The following ABR variants were observed in gnomAD, a reference collection of about 807,000 sequenced individuals.
ABR encodes the protein active breakpoint cluster region-related protein.
In ABR, 35 loss-of-function variants were observed where a neutral mutation model predicts 107.2. The ratio of observed to expected loss-of-function variants is 0.33; its 90% confidence interval spans 0.25 to 0.43. The LOEUF is 0.43. ABR is among the 20% of genes least tolerant of loss of function. The probability of loss-of-function intolerance (pLI) is 1.00; values close to 1 mark genes in which losing one functional copy is unlikely to be tolerated. For missense variants in ABR, 815 were observed against 1,115.2 expected, an observed-to-expected ratio of 0.73 and a Z score of 3.83; for synonymous variants, 498 against 462.0, an observed-to-expected ratio of 1.08 and a Z score of -1.00.
chr17:1,059,432 A>G (rs1438446182), intron 10 of ABR, among the ~76,000 whole-genome samples: 2 of 152,124 alleles, frequency 1.3e-5, no homozygotes, highest in Non-Finnish European at 2.9e-5. Flanking sequence ...AGTAGTATTA[A>G]CCTCTCTGTA....
At chr17:1,025,548 C>A (rs1040483338) in intron 16 of ABR, among the ~76,000 whole-genome samples, 1 of 152,200 alleles carries the variant, frequency 6.6e-6, no homozygotes, top group Non-Finnish European at 1.5e-5. Context: ...CCTGACCCCA[C>A]GTAACGCCCC....
At chr17:1,151,074 TGACCTTGGGCAA>T (rs1207100279) in intron 1 of ABR, among the ~76,000 whole-genome samples, 1 of 152,190 alleles carries the variant, frequency 6.6e-6, no homozygotes, top group African/African-American at 2.4e-5. Flanking sequence ...ACCAGCTGTG[TGACCTTGGGCAA>T]GTCACATAAC....
intron 11 of ABR, 27 bp downstream of exon 11, chr17:1,058,718 C>T: frequency 6.2e-7 from 1 of 1,612,542 alleles, no homozygotes; most frequent in South Asian, 1.1e-5. Flanking sequence ...AAGGGGCTGT[C>T]TTGGTCCCAC....
chr17:1,031,561 GCCCCCAC>G, intron 16 of ABR: 1 of 235,832 alleles, frequency 4.2e-6, no homozygotes, highest in Non-Finnish European at 5.4e-6. Context: ...GCGCCCCCGA[GCCCCCAC>G]CCCCCGGAAC....
chr17:1,143,628 C>T (rs1411553148), intron 1 of ABR, among the ~76,000 whole-genome samples: 1 of 152,120 alleles, frequency 6.6e-6, no homozygotes, highest in Admixed American at 6.5e-5. Context: ...CCACCATGGG[C>T]GGGTGTTATG....
intron 5 of ABR, 77 bp downstream of exon 5, chr17:1,083,443 G>C (rs1284517760): frequency 3.9e-5 from 40 of 1,024,060 alleles, no homozygotes; most frequent in East Asian, 2.5e-4. Context: ...TGGCAAGCGA[G>C]GGAGGGGAGA....
At chr17:1,191,354 C>CTTTTTTTTTTTTTTT (rs761910557), upstream of ABR, among the ~76,000 whole-genome samples, 7 of 96,490 alleles carry the variant, frequency 7.3e-5, no homozygotes, top group Non-Finnish European at 9.8e-5. Context: ...TTTTTCTTTT[C>CTTTTTTTTTTTTTTT]TTTTTTTTTT....
At chr17:1,044,561 G>A (rs1241263541) in intron 16 of ABR, among the ~76,000 whole-genome samples, 11 of 151,830 alleles carry the variant, frequency 7.2e-5, no homozygotes, top group Non-Finnish European at 1.6e-4. Flanking sequence ...TGGGACAGGA[G>A]AATGGCGTGA....
intron 10 of ABR, among the ~76,000 whole-genome samples, chr17:1,059,276 T>G (rs2033671159): frequency 6.6e-6 from 1 of 152,186 alleles, no homozygotes; most frequent in Non-Finnish European, 1.5e-5. Context: ...CCAAGCCCTT[T>G]CCCTGCCCTG....
In ABR at chr17:1,005,975, G is replaced by C; in HGVS notation, c.*105C>G. ...TGGAAGCTGGCTTCCCTCGAGTCTG[G>C]AGTGCTGGGTTTGGGAGTTTTCTAT... On this transcript the variant is annotated 3_prime_UTR_variant, in exon 23 of 23. Transcript: ENST00000302538. 9.5e-7 allele frequency: 1 copy of C among 1,055,650 alleles called. No homozygotes were observed. Among genetic ancestry groups the C allele is most frequent in the Non-Finnish European group, 1.4e-6 (1 of 702,176 alleles). The allele number at this position is 1,055,650 out of a possible 1,614,324, so 65.4% of individuals were successfully genotyped here. A position where few individuals can be genotyped will look rare whatever the true frequency, so the allele number is the denominator to read the frequency against.
At chr17:1,193,494 C>T (rs976549870) in intron 1 of ABR, among the ~76,000 whole-genome samples, 1 of 152,166 alleles carries the variant, frequency 6.6e-6, no homozygotes, top group South Asian at 2.1e-4. Context: ...TAGTGAGTGA[C>T]AGAGCCAAGT....
chr17:1,031,671 G>A (rs887371889), intron 16 of ABR: 4 of 1,256,700 alleles, frequency 3.2e-6, no homozygotes, highest in Non-Finnish European at 4.0e-6. Context: ...CTTGCTCCCC[G>A]ACTCCTCCAG....
chr17:1,179,572 G>T lies in ABR; in HGVS notation c.61+95C>A. Reference sequence around the variant, plus strand: ...AGCCCGGTGCCTGGGTCCCGATCCCGATCTTGGGGTCCCGATCCCGATCCT... The same window carrying T: ...AGCCCGGTGCCTGGGTCCCGATCCCTATCTTGGGGTCCCGATCCCGATCCT... On this transcript the variant is annotated intron_variant, in intron 1 of 22. Coordinates refer to ENST00000302538, the MANE Select transcript of ABR (RefSeq NM_021962.5). This position sits in a 1 kb window ranked among gnomAD's most constrained non-coding sequence, Gnocchi z 4.9. The T allele has an allele frequency of 1.5e-6, 2 of 1,297,970 alleles. No homozygotes were observed. The highest frequency in any genetic ancestry group is 3.1e-5 in the East Asian group (1 of 31,948). 80.4% of individuals were successfully genotyped at this position (1,297,970 alleles called of 1,614,324 possible).
chr17:1,066,154 A>G (rs765595635), intron 10 of ABR, among the ~76,000 whole-genome samples: 1 of 151,918 alleles, frequency 6.6e-6, no homozygotes, highest in Non-Finnish European at 1.5e-5. Context: ...TCTGGGATTA[A>G]AGGTGTGAGC....
At chr17:1,073,493 C>T in intron 7 of ABR, 132 bp downstream of exon 7, 3 of 696,138 alleles carry the variant, frequency 4.3e-6, no homozygotes, top group South Asian at 9.4e-5. Context: ...GCCAGACAGG[C>T]ATCCTTGGAG....
intron 1 of ABR, among the ~76,000 whole-genome samples, chr17:1,211,088 T>G (rs985219443): frequency 1.3e-5 from 2 of 151,974 alleles, no homozygotes; most frequent in African/African-American, 2.4e-5. Flanking sequence ...GACCAGCCTG[T>G]CCAATATGGT....
In ABR at chr17:1,115,690, C is replaced by T. The variant is rs150538039; in HGVS notation, c.246+9493G>A. On this transcript the variant is annotated intron_variant, in intron 2 of 22. Coordinates refer to ENST00000302538, the MANE Select transcript of ABR (RefSeq NM_021962.5). ...CTGTAATCCCAGCACTTTGGGAGGC[C>T]GAGGCGGGCAGATCACCTGAGGTCA... is the stretch of plus-strand genomic sequence containing the variant. Among the ~76,000 whole-genome samples the T allele has an allele frequency of 7.2e-5, 11 of 152,270 alleles. No homozygotes were observed. In the East Asian group the frequency reaches 1.9e-3, roughly 27 times the overall value.
rs1032446957 is a variant in ABR, at chr17:1,104,776, G to A, written c.247-4041C>T. On this transcript the variant is annotated intron_variant, in intron 2 of 22. Transcript: ENST00000302538. Reference sequence around the variant, plus strand: ...TGGCAGAATTTAGAACAGAGAAGACGGGTCAACTGCTGGGGGACAAAGACC... The same window carrying A: ...TGGCAGAATTTAGAACAGAGAAGACAGGTCAACTGCTGGGGGACAAAGACC... Among the ~76,000 whole-genome samples the A allele has an allele frequency of 5.3e-5, 8 of 152,166 alleles. No homozygotes were observed. The South Asian group carries it at 6.2e-4, about 12-fold the overall frequency.
At position 1,005,375 on chromosome 17, in the gene ABR, G is replaced by A. The variant is rs898525700; in HGVS notation, c.*705C>T. On this transcript the variant is annotated 3_prime_UTR_variant, in exon 23 of 23. Coordinates refer to ENST00000302538, the MANE Select transcript of ABR (RefSeq NM_021962.5). ...GGGCGCTCCAGCTCTGTGCTAAGCTGGGGACGAGTGTGAGTGTGTCTGCTT... is the reference window on the plus strand; with the variant it reads ...GGGCGCTCCAGCTCTGTGCTAAGCTAGGGACGAGTGTGAGTGTGTCTGCTT... The A allele has an allele frequency of 3.6e-5, 14 of 386,090 alleles. No homozygotes were observed. Among genetic ancestry groups the A allele is most frequent in the African/African-American group, 2.9e-4 (14 of 48,430 alleles). The allele number at this position is 386,090 out of a possible 1,614,324, so 23.9% of individuals were successfully genotyped here. A position where few individuals can be genotyped will look rare whatever the true frequency, so the allele number is the denominator to read the frequency against.
Sources: gnomAD v4.1 joint callset for allele counts (sites outside exome capture counted in the v4.1 genomes callset) on GRCh38, gnomAD v4.1.1 for gene constraint, Gnocchi (gnomAD v3.1) non-coding constraint, MANE v1.5 for transcripts, NCBI Gene and HGNC (gene_info 2026-07-23, HGNC 2026-07-21) for gene names.